USP28: variants seen among roughly 807,000 people sequenced by gnomAD.
The protein encoded by USP28 is ubiquitin specific peptidase 28.
Under a neutral mutation model 145.0 loss-of-function variants are expected in USP28, and 113 were observed. That is an observed-to-expected ratio of 0.78 (90% CI 0.67 to 0.91). The LOEUF is 0.91. Ranked by LOEUF, USP28 falls within the 40% of genes least tolerant of loss-of-function variation. The pLI, the probability that USP28 is intolerant of heterozygous loss-of-function variation, is 0.00. For synonymous variants in USP28, 447 were observed against 450.9 expected (o/e 0.99, Z 0.11); for missense variants, 1,201 against 1,289.6 (o/e 0.93, Z 1.05).
intron 21 of USP28, 62 bp from the exon 23 acceptor site, chr11:113,803,939 T>C: frequency 6.9e-7 from 1 of 1,455,018 alleles, no homozygotes. Context: ...GTCCTTCCCA[T>C]CTAAGTTTTA....
chr11:113,868,658 C>A (rs1345098520), intron 1 of USP28, among the ~76,000 whole-genome samples: 1 of 152,126 alleles, frequency 6.6e-6, no homozygotes, highest in Admixed American at 6.5e-5. Context: ...CCATGGTTCA[C>A]GCCTGTAATC....
intron 11 of USP28, among the ~76,000 whole-genome samples, chr11:113,825,556 G>A (rs1301206704): frequency 6.6e-6 from 1 of 152,260 alleles, no homozygotes; most frequent in East Asian, 1.9e-4. Flanking sequence ...GAATGTTCAT[G>A]GCAGCTTCAT....
exon 19 of USP28, chr11:113,806,527 T>A: frequency 1.9e-6 from 3 of 1,609,270 alleles, no homozygotes; most frequent in Non-Finnish European, 2.5e-6. Flanking sequence ...CGGTCAAAGG[T>A]CTGACGGGCT....
intron 23 of USP28, 94 bp downstream of exon 24, chr11:113,803,064 G>C: frequency 3.0e-6 from 4 of 1,337,908 alleles, no homozygotes; most frequent in Non-Finnish European, 4.0e-6. Context: ...CAACCTGTTG[G>C]AGATAGTCTG....
At chr11:113,830,537 C>A (rs1367171329) in intron 9 of USP28, among the ~76,000 whole-genome samples, 2 of 152,092 alleles carry the variant, frequency 1.3e-5, no homozygotes, top group African/African-American at 4.8e-5. Context: ...TCAATAAAAC[C>A]TTTTGAGATT....
chr11:113,803,123 C>CA (rs1341560350), intron 23 of USP28, 35 bp downstream of exon 24: 2 of 1,584,144 alleles, frequency 1.3e-6, no homozygotes, highest in South Asian at 1.1e-5. Context: ...AGGTAAACAA[C>CA]AAAAAAACCT....
chr11:113,839,597 G>A (rs1944961556), intron 5 of USP28, among the ~76,000 whole-genome samples: 1 of 151,944 alleles, frequency 6.6e-6, no homozygotes, highest in African/African-American at 2.4e-5. Flanking sequence ...TTTTAAAAAT[G>A]AAGACATTGC....
intron 1 of USP28, among the ~76,000 whole-genome samples, chr11:113,868,513 C>A (rs1948513163): frequency 6.6e-6 from 1 of 152,168 alleles, no homozygotes; most frequent in Admixed American, 6.5e-5. Context: ...TGCTTCAAGT[C>A]AGAATGGCTT....
rs763809871 is a variant in USP28, at chr11:113,803,785, A to C, written c.2738+13T>G. On this transcript the variant is annotated intron_variant, in intron 22 of 24. Coordinates refer to ENST00000003302, the Ensembl canonical transcript of USP28. ...CTGACTAATAATCTTGGTAAAATAAAAGGCCAACATACTTTCCTTTTTGAT... is the reference window on the plus strand; with the variant it reads ...CTGACTAATAATCTTGGTAAAATAACAGGCCAACATACTTTCCTTTTTGAT... 4 of 1,606,856 alleles carry C rather than the reference A, an allele frequency of 2.5e-6. No homozygotes were observed. The highest frequency in any genetic ancestry group is 3.4e-6 in the Non-Finnish European group (4 of 1,176,590).
intron 11 of USP28, among the ~76,000 whole-genome samples, chr11:113,824,108 G>GA (rs1377578123): frequency 1.3e-5 from 2 of 151,034 alleles, no homozygotes; most frequent in Admixed American, 6.6e-5. Context: ...TTTAAAAAAA[G>GA]AAAAAAAATC....
chr11:113,802,086 T>C (rs758555153), intron 23 of USP28, among the ~76,000 whole-genome samples: 3 of 152,212 alleles, frequency 2.0e-5, no homozygotes, highest in Non-Finnish European at 4.4e-5. Context: ...GGGAGAGGCC[T>C]GAGCTTCACG....
At chr11:113,865,045 G>T (rs1466279971) in intron 1 of USP28, among the ~76,000 whole-genome samples, 1 of 152,088 alleles carries the variant, frequency 6.6e-6, no homozygotes, top group East Asian at 1.9e-4. Context: ...TCACCACGTT[G>T]CCCAGGCTGG....
chr11:113,854,464 G>T, intron 1 of USP28, 129 bp from the exon 2 acceptor site: 1 of 749,414 alleles, frequency 1.3e-6, no homozygotes, highest in Non-Finnish European at 2.1e-6. Context: ...TGCAGTGGCC[G>T]GATCTCGGCT....
At chr11:113,807,420 A>G (rs1476755521) in intron 18 of USP28, among the ~76,000 whole-genome samples, 1 of 152,148 alleles carries the variant, frequency 6.6e-6, no homozygotes, top group Non-Finnish European at 1.5e-5. Context: ...AAAAAACAGA[A>G]ATCTGAGAGA....
chr11:113,866,680 C>G (rs985995783), intron 1 of USP28, among the ~76,000 whole-genome samples: 1 of 152,072 alleles, frequency 6.6e-6, no homozygotes, highest in Non-Finnish European at 1.5e-5. Flanking sequence ...AAACTAGAAC[C>G]CTTGTGTATT....
At chr11:113,799,472 T>C in intron 24 of USP28, 57 bp from the exon 26 acceptor site, 1 of 1,558,562 alleles carries the variant, frequency 6.4e-7, no homozygotes, top group African/African-American at 1.4e-5. Context: ...TGAGTAAAAG[T>C]GAACAAGCCT....
Position 113,813,909 on chromosome 11 carries a change from C to T in USP28, c.1719G>A (p.Met573Ile), listed in dbSNP as rs184261650. ...CCTGACGAAGGAGAGGATCGCAGTA[C>T]ATCTGTTCAATAGTCTGAGTAGTAC... Residue 573 changes from methionine (M) to isoleucine (I), a missense_variant, in exon 15 of 25, where the codon ATG (methionine) becomes ATA (isoleucine). By Grantham distance (10) the Met-to-Ile change is conservative (BLOSUM62 1). Transcript: ENST00000003302. 157 of 1,612,994 alleles carry T rather than the reference C, an allele frequency of 9.7e-5. No individual in the cohort carries two copies. Among genetic ancestry groups the T allele is most frequent in the Admixed American group, 9.5e-4 (57 of 59,932 alleles).
At chr11:113,838,339 C>T (rs1042122440) in intron 5 of USP28, among the ~76,000 whole-genome samples, 2 of 152,156 alleles carry the variant, frequency 1.3e-5, no homozygotes, top group African/African-American at 4.8e-5. Flanking sequence ...GCCAGTGATC[C>T]TTTTAAACTG....
At chr11:113,862,939 A>G (rs965176908) in intron 1 of USP28, among the ~76,000 whole-genome samples, 2 of 152,246 alleles carry the variant, frequency 1.3e-5, no homozygotes, top group Non-Finnish European at 2.9e-5. Flanking sequence ...ATCATATTCA[A>G]TGGTGAAAGG....
Sources: gnomAD v4.1 joint callset for allele counts (sites outside exome capture counted in the v4.1 genomes callset) on GRCh38, gnomAD v4.1.1 for gene constraint, MANE v1.5 for transcripts, NCBI Gene and HGNC (gene_info 2026-07-23, HGNC 2026-07-21) for gene names.